FRYL: variants seen among roughly 807,000 people sequenced by gnomAD.
FRYL encodes the protein protein furry homolog-like.
FRYL carries 150 observed loss-of-function variants against 351.2 expected under a neutral mutation model. That is an observed-to-expected ratio of 0.43 (90% CI 0.37 to 0.49). FRYL has a LOEUF of 0.49. FRYL is among the 20% of genes least tolerant of loss of function. The probability of loss-of-function intolerance (pLI) is 0.00; values close to 1 mark genes in which losing one functional copy is unlikely to be tolerated. For missense variants in FRYL, 3,036 were observed against 3,619.3 expected (o/e 0.84, Z 4.13); for synonymous variants, 1,153 against 1,257.1 (o/e 0.92, Z 1.75).
intron 1 of FRYL, among the ~76,000 whole-genome samples, chr4:48,733,065 C>A (rs985687175): frequency 9.9e-5 from 15 of 151,822 alleles, no homozygotes; most frequent in Non-Finnish European, 1.6e-4. Context: ...CACCTGAGAT[C>A]AGGAGTTCGA....
intron 1 of FRYL, among the ~76,000 whole-genome samples, chr4:48,741,776 G>A (rs1463760825): frequency 6.6e-6 from 1 of 152,162 alleles, no homozygotes; most frequent in African/African-American, 2.4e-5. Flanking sequence ...AAAGAAGCCA[G>A]CCTGAAAACT....
In FRYL at chr4:48,545,743, T is replaced by C. The variant is rs113588979; in HGVS notation, c.5279+324A>G. On this transcript the variant is annotated intron_variant, in intron 42 of 63. Transcript: ENST00000358350. ...CCCACCTATATTCCCTCTCTACTTA[T>C]TGTGTCTTGCAAAGAGTAGACCATA... 4.5e-3 allele frequency among the ~76,000 whole-genome samples: 688 copies of C among 152,340 alleles called. 4 individuals are homozygous for C. Among genetic ancestry groups the C allele is most frequent in the African/African-American group, 0.015 (637 of 41,578 alleles).
intron 19 of FRYL, among the ~76,000 whole-genome samples, chr4:48,585,638 A>G (rs1741948571): frequency 1.3e-5 from 2 of 152,166 alleles, no homozygotes; most frequent in South Asian, 4.1e-4. Flanking sequence ...TGCGCACTCT[A>G]TTGTCTATGG....
At chr4:48,566,731 T>G (rs1399204134) in intron 28 of FRYL, among the ~76,000 whole-genome samples, 3 of 152,232 alleles carry the variant, frequency 2.0e-5, no homozygotes, top group Non-Finnish European at 2.9e-5. Flanking sequence ...TTCTTACAGT[T>G]GTAAATAATT....
At position 48,754,956 on chromosome 4, in the gene FRYL, A is replaced by G. The variant is rs192404014; in HGVS notation, c.-384+25122T>C. On this transcript the variant is annotated intron_variant, in intron 1 of 63. Coordinates refer to ENST00000358350, the MANE Select transcript of FRYL (RefSeq NM_015030.2). ...TGCACCCGGCCCTGAATCGTTTTCAATTGTGACAACTGGAACTGAACACAA... is the reference window on the plus strand; with the variant it reads ...TGCACCCGGCCCTGAATCGTTTTCAGTTGTGACAACTGGAACTGAACACAA... 7.9e-5 allele frequency among the ~76,000 whole-genome samples: 12 copies of G among 152,248 alleles called. No homozygotes were observed. The South Asian group carries it at 8.3e-4, about 11-fold the overall frequency.
intron 59 of FRYL, among the ~76,000 whole-genome samples, chr4:48,508,446 C>A (rs1721766731): frequency 6.6e-6 from 1 of 152,142 alleles, no homozygotes; most frequent in South Asian, 2.1e-4. Flanking sequence ...TTGCAGTTTT[C>A]TGTATAGAGG....
At chr4:48,639,597 A>G (rs1754931676) in intron 3 of FRYL, among the ~76,000 whole-genome samples, 1 of 152,130 alleles carries the variant, frequency 6.6e-6, no homozygotes, top group Non-Finnish European at 1.5e-5. Context: ...AGATAGGAGA[A>G]AATCTAAGTG....
chr4:48,587,745 A>G (rs1742438273), intron 18 of FRYL, among the ~76,000 whole-genome samples: 1 of 151,948 alleles, frequency 6.6e-6, no homozygotes, highest in African/African-American at 2.4e-5. Context: ...GGGTTTCACC[A>G]TGTTGGTCAG....
chr4:48,665,748 T>C (rs1195940730), intron 3 of FRYL, among the ~76,000 whole-genome samples: 4 of 152,198 alleles, frequency 2.6e-5, no homozygotes, highest in African/African-American at 9.7e-5. Flanking sequence ...CTATTAATAA[T>C]GATGCCAGAA....
chr4:48,653,807 AAGC>A (rs67820516), intron 3 of FRYL: 375 of 1,267,290 alleles, frequency 3.0e-4, no homozygotes, highest in Admixed American at 1.5e-3. Context: ...TCAGCTGCAA[AAGC>A]AGCAGCAGCA....
intron 3 of FRYL, among the ~76,000 whole-genome samples, chr4:48,675,605 G>A (rs556514841): frequency 1.3e-4 from 20 of 152,352 alleles, no homozygotes; most frequent in Admixed American, 2.6e-4. Flanking sequence ...CCTGCAGCCT[G>A]CCATGCCTGA....
At chr4:48,671,634 T>A (rs935210092) in intron 3 of FRYL, among the ~76,000 whole-genome samples, 5 of 151,714 alleles carry the variant, frequency 3.3e-5, no homozygotes, top group Non-Finnish European at 7.4e-5. Context: ...ACCATTGCAC[T>A]CCAGCCTGGG....
At chr4:48,520,753 C>T in intron 55 of FRYL, 1 of 232,204 alleles carries the variant, frequency 4.3e-6, no homozygotes, top group East Asian at 8.6e-5. Context: ...AAATACAGTG[C>T]AATAGATGAT....
rs372635672 is a variant in FRYL at position 48,642,493 on chromosome 4, C to T, written c.-80-8003G>A. Among the ~76,000 whole-genome samples, 59 of 152,176 alleles carry T rather than the reference C, an allele frequency of 3.9e-4. No individual in the cohort carries two copies. In the East Asian group the frequency reaches 7.9e-3, roughly 20 times the overall value. ...CTCACTATCCAGTTCAATGTTTTTGCTTCTGGTTCCATTTCGATGGACAGA... is the reference window on the plus strand; with the variant it reads ...CTCACTATCCAGTTCAATGTTTTTGTTTCTGGTTCCATTTCGATGGACAGA... On this transcript the variant is annotated intron_variant, in intron 3 of 63. Coordinates refer to ENST00000358350, the MANE Select transcript of FRYL (RefSeq NM_015030.2).
chr4:48,703,992 T>C (rs907030449), intron 2 of FRYL, among the ~76,000 whole-genome samples: 1 of 152,200 alleles, frequency 6.6e-6, no homozygotes, highest in Admixed American at 6.5e-5. Flanking sequence ...TCACATTCTA[T>C]CTAAAGCATG....
chr4:48,519,952 C>T (rs1577914024), intron 55 of FRYL, among the ~76,000 whole-genome samples: 1 of 152,148 alleles, frequency 6.6e-6, no homozygotes, highest in African/African-American at 2.4e-5. Flanking sequence ...CAGATGGTCT[C>T]GATCTCCTGA....
chr4:48,618,900 C>G (rs1305025481), intron 7 of FRYL: 1 of 168,658 alleles, frequency 5.9e-6, no homozygotes, highest in African/African-American at 2.4e-5. Context: ...TAAAAGTGCA[C>G]AATTATTACA....
intron 1 of FRYL, among the ~76,000 whole-genome samples, chr4:48,734,620 G>C (rs1268217121): frequency 6.6e-6 from 1 of 152,086 alleles, no homozygotes; most frequent in African/African-American, 2.4e-5. Flanking sequence ...AACTCACATG[G>C]AACAGTCACT....
At chr4:48,557,251 T>C in intron 34 of FRYL, 133 bp from the exon 35 acceptor site, 2 of 1,242,728 alleles carry the variant, frequency 1.6e-6, no homozygotes, top group Non-Finnish European at 2.2e-6. Context: ...ACAGAAACAA[T>C]AATTTCTTCC....
Sources: gnomAD v4.1 joint callset for allele counts (sites outside exome capture counted in the v4.1 genomes callset) on GRCh38, gnomAD v4.1.1 for gene constraint, MANE v1.5 for transcripts, NCBI Gene and HGNC (gene_info 2026-07-23, HGNC 2026-07-21) for gene names.